Variants in KAZN observed in about 807,000 individuals in gnomAD.
The protein encoded by KAZN is kazrin.
KAZN carries 40 observed loss-of-function variants against 87.4 expected under a neutral mutation model. That is an observed-to-expected ratio of 0.46 (90% CI 0.36 to 0.60). KAZN has a LOEUF of 0.60. Among genes scored for constraint, KAZN ranks in the 20% least tolerant of loss-of-function variants. The pLI, the probability that KAZN is intolerant of heterozygous loss-of-function variation, is 0.00. For missense variants in KAZN, 898 were observed against 1,073.9 expected (o/e 0.84, Z 2.29); for synonymous variants, 466 against 458.3 (o/e 1.02, Z -0.22).
At chr1:14,702,625 G>T (rs144467837) in intron 1 of KAZN, among the ~76,000 whole-genome samples, 6 of 152,220 alleles carry the variant, frequency 3.9e-5, no homozygotes, top group African/African-American at 1.4e-4. Flanking sequence ...ACAATACACA[G>T]AGTATCGTGT....
chr1:14,781,595 C>T (rs1192680781), intron 1 of KAZN, among the ~76,000 whole-genome samples: 3 of 152,122 alleles, frequency 2.0e-5, no homozygotes, highest in African/African-American at 7.2e-5. Flanking sequence ...TAGGAGGGGA[C>T]CTTCTCAGTT....
At position 14,735,865 on chromosome 1, in the gene KAZN, T is replaced by G. The variant is rs188918495; in HGVS notation, c.226+136642T>G. Among the ~76,000 whole-genome samples, 8 of 152,322 alleles carry G rather than the reference T, an allele frequency of 5.3e-5. No homozygotes were observed. Among genetic ancestry groups the G allele is most frequent in the Admixed American group, 5.2e-4 (8 of 15,302 alleles). On this transcript the variant is annotated intron_variant, in intron 1 of 14. Transcript: ENST00000376030. The surrounding 1 kb of genome is among the most constrained non-coding windows in gnomAD (Gnocchi z 4.3). ...TAATCCCCAGAGCCTTTGTGATTTG[T>G]AAGTTTCAGGCTTGAGCTTGAGGTT... is the stretch of plus-strand genomic sequence containing the variant.
In KAZN at chr1:14,183,502, G is replaced by A. The variant is rs1225915087; in HGVS notation, c.249+2910G>A. ...GGAGTCTGCCATTCAGATCGCATTTGAAACCCGATCTTGTGGCTTTGATTC... is the reference window on the plus strand; with the variant it reads ...GGAGTCTGCCATTCAGATCGCATTTAAAACCCGATCTTGTGGCTTTGATTC... On this transcript the variant is annotated intron_variant, in intron 2 of 16. Coordinates refer to the KAZN transcript ENST00000636203. Among the ~76,000 whole-genome samples the A allele has an allele frequency of 2.6e-5, 4 of 152,086 alleles. No individual in the cohort carries two copies. The East Asian group carries it at 7.7e-4, about 29-fold the overall frequency.
chr1:14,370,927 C>T (rs929694341), intron 2 of KAZN, among the ~76,000 whole-genome samples: 14 of 152,144 alleles, frequency 9.2e-5, no homozygotes, highest in African/African-American at 2.9e-4. Flanking sequence ...TCAAGCAATC[C>T]ACCCACCTCA....
At chr1:13,952,506 T>C (rs1006800605) in intron 1 of KAZN, among the ~76,000 whole-genome samples, 1 of 152,104 alleles carries the variant, frequency 6.6e-6, no homozygotes, top group Non-Finnish European at 1.5e-5. Flanking sequence ...TTATCTCTCC[T>C]CTCACCCCTT....
At chr1:13,894,350 G>A (rs918781255) in intron 1 of KAZN, among the ~76,000 whole-genome samples, 2 of 151,968 alleles carry the variant, frequency 1.3e-5, no homozygotes, top group Admixed American at 6.6e-5. Flanking sequence ...CATGGGCTGC[G>A]GGCCTTATAA....
chr1:14,921,153 AACAC>A (rs55766387), intron 1 of KAZN, among the ~76,000 whole-genome samples: 164 of 144,498 alleles, frequency 1.1e-3, no homozygotes, highest in Admixed American at 1.9e-3. Flanking sequence ...CTGAGCATGC[AACAC>A]ACACACACAC....
chr1:14,070,657 G>T (rs1420395256), intron 1 of KAZN, among the ~76,000 whole-genome samples: 1 of 152,180 alleles, frequency 6.6e-6, no homozygotes, highest in Non-Finnish European at 1.5e-5. Context: ...CCATATATGT[G>T]TGCTAGTTCA....
At chr1:14,455,689 A>G (rs2148339611) in intron 2 of KAZN, among the ~76,000 whole-genome samples, 1 of 152,340 alleles carries the variant, frequency 6.6e-6, no homozygotes, top group East Asian at 1.9e-4. Flanking sequence ...TCACAGGACC[A>G]ACCTGAAGCT....
At chr1:14,764,095 A>T (rs1057465973) in intron 1 of KAZN, among the ~76,000 whole-genome samples, 3 of 152,108 alleles carry the variant, frequency 2.0e-5, no homozygotes, top group African/African-American at 7.2e-5. Context: ...CTTGCGAGTC[A>T]AATACATCAC....
chr1:14,770,702 T>A (rs1339381421), intron 1 of KAZN, among the ~76,000 whole-genome samples: 5 of 152,176 alleles, frequency 3.3e-5, no homozygotes, highest in Non-Finnish European at 7.3e-5. Context: ...GTCCCATTTG[T>A]CATTCTTAAT....
chr1:14,016,856 A>G (rs917604612), intron 1 of KAZN, among the ~76,000 whole-genome samples: 1 of 152,214 alleles, frequency 6.6e-6, no homozygotes, highest in Non-Finnish European at 1.5e-5. Context: ...CTCTTACTGT[A>G]TTAAAAAATA....
At chr1:14,107,618 G>A (rs1023107587) in intron 1 of KAZN, among the ~76,000 whole-genome samples, 4 of 152,162 alleles carry the variant, frequency 2.6e-5, no homozygotes, top group Non-Finnish European at 5.9e-5. Context: ...AGGCCACCTC[G>A]GTTGAGCTCT....
intron 2 of KAZN, among the ~76,000 whole-genome samples, chr1:14,468,357 G>T (rs1022011248): frequency 6.6e-6 from 1 of 152,134 alleles, no homozygotes; most frequent in Non-Finnish European, 1.5e-5. Flanking sequence ...TCTGCATCAG[G>T]CCCCTTTATA....
rs1342501522 is a variant in KAZN at position 14,883,320 on chromosome 1, G to GAAAGAA, written c.227-77363_227-77362insAAGAAA. ...CAAAAGAAAGAAAGAAAGAAAGAAAGAGAGAGAGAGAGAGAGAGAGAGAAA... is the reference window on the plus strand; with the variant it reads ...CAAAAGAAAGAAAGAAAGAAAGAAAGAAAGAAAGAGAGAGAGAGAGAGAGAGAGAAA... On this transcript the variant is annotated intron_variant, in intron 1 of 14. Coordinates refer to ENST00000376030, the MANE Select transcript of KAZN (RefSeq NM_201628.3). Among the ~76,000 whole-genome samples the GAAAGAA allele has an allele frequency of 2.6e-3, 97 of 37,348 alleles. 6 individuals carry two copies. The highest frequency in any genetic ancestry group is 6.3e-3 in the African/African-American group (92 of 14,654). 24.5% of individuals were successfully genotyped at this position (37,348 alleles called of 152,430 possible).
chr1:14,001,124 A>G (rs1003744844), intron 1 of KAZN, among the ~76,000 whole-genome samples: 2 of 152,122 alleles, frequency 1.3e-5, no homozygotes, highest in African/African-American at 2.4e-5. Flanking sequence ...CTCAGCCCCA[A>G]AACTCCTCAA....
At chr1:14,088,100 T>C (rs1643895348) in intron 1 of KAZN, among the ~76,000 whole-genome samples, 1 of 151,712 alleles carries the variant, frequency 6.6e-6, no homozygotes, top group Non-Finnish European at 1.5e-5. Flanking sequence ...TGAGAAGGTT[T>C]TTAGCTACTA....
intron 1 of KAZN, among the ~76,000 whole-genome samples, chr1:14,165,017 A>G (rs973054046): frequency 6.6e-6 from 1 of 151,846 alleles, no homozygotes; most frequent in South Asian, 2.1e-4. Context: ...AAGCATGATT[A>G]TATGTCAAAT....
At chr1:14,001,780 A>C (rs1639803842) in intron 1 of KAZN, among the ~76,000 whole-genome samples, 1 of 152,182 alleles carries the variant, frequency 6.6e-6, no homozygotes, top group African/African-American at 2.4e-5. Flanking sequence ...AATGGTGCTC[A>C]GAAAACTGGC....
Sources: allele counts gnomAD v4.1 joint callset (sites outside exome capture counted in the v4.1 genomes callset), GRCh38; gene constraint gnomAD v4.1.1; non-coding constraint Gnocchi (gnomAD v3.1); transcripts MANE v1.5; gene names NCBI Gene and HGNC (gene_info 2026-07-23, HGNC 2026-07-21).